Variants in TMEM236 observed in about 807,000 individuals in gnomAD.
TMEM236 encodes family with sequence similarity 23, member A.
Under a neutral mutation model 14.7 loss-of-function variants are expected in TMEM236, and 11 were observed. The ratio of observed to expected loss-of-function variants is 0.75; its 90% CI spans 0.47 to 1.24. The LOEUF is 1.24. Among genes scored for constraint, TMEM236 ranks in the 50% most tolerant of loss-of-function variants. The pLI, the probability that TMEM236 is intolerant of heterozygous loss-of-function variation, is 0.00. For missense variants in TMEM236, 464 were observed against 427.3 expected, an observed-to-expected ratio of 1.09 and a Z score of -0.76; for synonymous variants, 182 against 168.6, an observed-to-expected ratio of 1.08 and a Z score of -0.62.
At chr10:17,789,506 C>T (rs1837888447) in intron 3 of TMEM236, among the ~76,000 whole-genome samples, 1 of 152,222 alleles carries the variant, frequency 6.6e-6, no homozygotes, top group Admixed American at 6.5e-5. Flanking sequence ...AATTCCTTCA[C>T]TGTGAGGTTG....
At chr10:17,788,653 C>T (rs1837875349) in intron 3 of TMEM236, among the ~76,000 whole-genome samples, 1 of 151,784 alleles carries the variant, frequency 6.6e-6, no homozygotes, top group East Asian at 1.9e-4. Context: ...GTTGTGTCCT[C>T]TGACAAAATA....
At chr10:17,781,443 A>C (rs945232102) in intron 3 of TMEM236, among the ~76,000 whole-genome samples, 1 of 152,068 alleles carries the variant, frequency 6.6e-6, no homozygotes, top group East Asian at 1.9e-4. Flanking sequence ...AGAGTGACTA[A>C]AAATTTGCAT....
intron 2 of TMEM236, 56 bp downstream of exon 2, chr10:17,771,437 T>C: frequency 9.7e-6 from 15 of 1,552,126 alleles, no homozygotes; most frequent in Non-Finnish European, 1.3e-5. Context: ...TAATTTCTTG[T>C]TATTGGAATT....
In TMEM236 at chr10:17,771,359, C is replaced by T; in HGVS notation, c.308C>T (p.Thr103Ile). ...CVVLTTLPCL[T>I]FSIAVTEVQK... ...GTCCTCACCACACTGCCCTGCCTCACCTTTTCCATAGCAGTGACTGAGGTA... is the reference window on the plus strand; with the variant it reads ...GTCCTCACCACACTGCCCTGCCTCATCTTTTCCATAGCAGTGACTGAGGTA... The change falls in exon 2 of 4, where the codon ACC (threonine) becomes ATC (isoleucine). Residue 103 changes from threonine (T) to isoleucine (I), a missense_variant. Physicochemically the swap from Thr to Ile is moderately conservative, Grantham distance 89 (BLOSUM62 -1). Transcript: ENST00000377495. 6.2e-7 allele frequency: 1 copy of T among 1,613,946 alleles called. No homozygotes were observed. Among genetic ancestry groups the T allele is most frequent in the African/African-American group, 1.3e-5 (1 of 75,056 alleles).
chr10:17,767,699 T>C (rs1164494456), intron 1 of TMEM236, among the ~76,000 whole-genome samples: 2 of 152,168 alleles, frequency 1.3e-5, no homozygotes, highest in Non-Finnish European at 2.9e-5. Context: ...AATTGAAAGC[T>C]ACCAGTCTTT....
intron 2 of TMEM236, among the ~76,000 whole-genome samples, chr10:17,773,981 A>G (rs1056674338): frequency 1.6e-4 from 25 of 152,072 alleles, no homozygotes; most frequent in African/African-American, 6.0e-4. Context: ...AGATTTTGTC[A>G]TTGTGAATCT....
intron 3 of TMEM236, among the ~76,000 whole-genome samples, chr10:17,786,846 T>C (rs1320698715): frequency 2.6e-5 from 4 of 152,232 alleles, no homozygotes; most frequent in Non-Finnish European, 4.4e-5. Context: ...AATTGAATCA[T>C]AGGTAAACCT....
chr10:17,783,497 C>T (rs1837787507), intron 3 of TMEM236, among the ~76,000 whole-genome samples: 1 of 152,240 alleles, frequency 6.6e-6, no homozygotes, highest in Admixed American at 6.5e-5. Flanking sequence ...AATAAATCTG[C>T]TCCCAATGGC....
At chr10:17,774,383 C>CT (rs1401108250) in intron 2 of TMEM236, among the ~76,000 whole-genome samples, 1 of 152,078 alleles carries the variant, frequency 6.6e-6, no homozygotes, top group Non-Finnish European at 1.5e-5. Context: ...TTTCTTCATT[C>CT]TTTTTTAGAT....
rs1469385793 is a variant in TMEM236 at position 17,800,422 on chromosome 10, A to T, written c.*3918A>T. On this transcript the variant is annotated 3_prime_UTR_variant, in exon 4 of 4. Coordinates refer to ENST00000377495, the MANE Select transcript of TMEM236 (RefSeq NM_001098844.3). Reference sequence around the variant, plus strand: ...TTATTTATTTTATAATTTTACAAAAAATTCTAATACCTGTAATACACTTTT... The same window carrying T: ...TTATTTATTTTATAATTTTACAAAATATTCTAATACCTGTAATACACTTTT... 6.6e-6 allele frequency: 1 copy of T among 152,050 alleles called. No individual in the cohort carries two copies. Among genetic ancestry groups the T allele is most frequent in the African/African-American group, 2.4e-5 (1 of 41,410 alleles). 9.4% of individuals were successfully genotyped at this position (152,050 alleles called of 1,614,324 possible).
At chr10:17,775,579 G>A (rs2461193) in intron 2 of TMEM236, among the ~76,000 whole-genome samples, 117,182 of 152,188 alleles carry the variant, frequency 0.77, 45,383 homozygotes, top group East Asian at 1. Flanking sequence ...TGGCCTTGCC[G>A]TAGCTTTTTG....
At position 17,796,391 on chromosome 10, in the gene TMEM236, A is replaced by G. The variant is rs984635412; in HGVS notation, c.943A>G (p.Ile315Val). The change falls in exon 4 of 4, where the codon ATC (isoleucine) becomes GTC (valine). Residue 315 changes from isoleucine (I) to valine (V), a missense_variant. Coordinates refer to ENST00000377495, the MANE Select transcript of TMEM236 (RefSeq NM_001098844.3). ...RLGLIIALGTITPVLGLCKNI... is the reference protein window; with the variant it reads ...RLGLIIALGTVTPVLGLCKNI... ...TGGTTTAATCATTGCCCTGGGGACTATCACACCCGTACTGGGCCTGTGTAA... is the reference window on the plus strand; with the variant it reads ...TGGTTTAATCATTGCCCTGGGGACTGTCACACCCGTACTGGGCCTGTGTAA... 3 of 1,613,880 alleles carry G rather than the reference A, an allele frequency of 1.9e-6. No individual in the cohort carries two copies. Among genetic ancestry groups the G allele is most frequent in the South Asian group, 2.2e-5 (2 of 91,078 alleles).
chr10:17,794,556 C>T (rs1837978519), intron 3 of TMEM236, among the ~76,000 whole-genome samples: 1 of 152,034 alleles, frequency 6.6e-6, no homozygotes, highest in African/African-American at 2.4e-5. Context: ...CACACGCACA[C>T]ACACACACAA....
At chr10:17,795,190 A>T (rs1837991101) in intron 3 of TMEM236, among the ~76,000 whole-genome samples, 1 of 152,122 alleles carries the variant, frequency 6.6e-6, no homozygotes, top group African/African-American at 2.4e-5. Context: ...TTTTAGATTC[A>T]CTTGATTTTA....
intron 1 of TMEM236, among the ~76,000 whole-genome samples, chr10:17,765,041 T>C (rs1474721929): frequency 1.3e-5 from 2 of 151,990 alleles, no homozygotes; most frequent in South Asian, 2.1e-4. Context: ...AGGATGGTCT[T>C]GATCTCTGGA....
chr10:17,774,599 T>A (rs1423534914), intron 2 of TMEM236, among the ~76,000 whole-genome samples: 9 of 152,322 alleles, frequency 5.9e-5, no homozygotes, highest in Admixed American at 5.9e-4. Flanking sequence ...TTCTTGCAGC[T>A]TTATACTAGT....
In TMEM236 at chr10:17,768,117, G is replaced by A. The variant is rs1225110068; in HGVS notation, c.258-3192G>A. Among the ~76,000 whole-genome samples the A allele has an allele frequency of 1.6e-4, 17 of 107,060 alleles. 1 individual carries two copies. The highest frequency in any genetic ancestry group is 2.0e-4 in the Non-Finnish European group (12 of 59,440). 70.2% of individuals were successfully genotyped at this position (107,060 alleles called of 152,430 possible). ...TTTTTTTTTTTTTTTTTGTAGAGAC[G>A]AGGATTTGCTGTGTTGCCCAGGTTG... is the stretch of plus-strand genomic sequence containing the variant. On this transcript the variant is annotated intron_variant, in intron 1 of 3. Transcript: ENST00000377495.
In TMEM236 at chr10:17,798,329, A is replaced by G. The variant is rs1388657901; in HGVS notation, c.*1825A>G. ...TGAGGCAGGTAGATCACTGGAGTCCAGGAGTCTGAGACCAGCCTGGGCAAC... is the reference window on the plus strand; with the variant it reads ...TGAGGCAGGTAGATCACTGGAGTCCGGGAGTCTGAGACCAGCCTGGGCAAC... On this transcript the variant is annotated 3_prime_UTR_variant, in exon 4 of 4. Coordinates refer to ENST00000377495, the MANE Select transcript of TMEM236 (RefSeq NM_001098844.3). 1 of 336,270 alleles carries G rather than the reference A, an allele frequency of 3.0e-6. No individual in the cohort carries two copies. The highest frequency in any genetic ancestry group is 5.8e-6 in the Non-Finnish European group (1 of 172,624). The allele number at this position is 336,270 out of a possible 1,614,324, so 20.8% of individuals were successfully genotyped here.
intron 3 of TMEM236, among the ~76,000 whole-genome samples, chr10:17,785,377 AC>A (rs1208186688): frequency 5.3e-5 from 8 of 152,198 alleles, no homozygotes; most frequent in Non-Finnish European, 7.3e-5. Flanking sequence ...AGAACCTCTT[AC>A]TATAGAAAGT....
Sources: gnomAD v4.1 joint callset for allele counts (sites outside exome capture counted in the v4.1 genomes callset) on GRCh38, gnomAD v4.1.1 for gene constraint, MANE v1.5 for transcripts, NCBI Gene and HGNC (gene_info 2026-07-23, HGNC 2026-07-21) for gene names.